The following MTHFD2L variants were observed in gnomAD, a reference collection of about 807,000 sequenced individuals.
MTHFD2L encodes bifunctional methylenetetrahydrofolate dehydrogenase/cyclohydrolase 2, mitochondrial.
A neutral mutation model predicts 34.9 loss-of-function variants in MTHFD2L; 29 were observed. That is an observed-to-expected ratio of 0.83 (90% CI 0.62 to 1.13). The LOEUF is 1.13. Ranked by LOEUF, MTHFD2L falls within the 50% of genes most tolerant of loss-of-function variation. The pLI is 0.00. For missense variants in MTHFD2L, 481 were observed against 446.5 expected (o/e 1.08, Z -0.70); for synonymous variants, 167 against 155.7 (o/e 1.07, Z -0.54).
intron 6 of MTHFD2L, among the ~76,000 whole-genome samples, chr4:74,240,695 A>G (rs1448294521): frequency 6.6e-6 from 1 of 152,192 alleles, no homozygotes; most frequent in Non-Finnish European, 1.5e-5. Context: ...CATTTTCTGA[A>G]TTCTCTAAAT....
intron 1 of MTHFD2L, among the ~76,000 whole-genome samples, chr4:74,138,897 T>C (rs1476445388): frequency 6.6e-6 from 1 of 152,208 alleles, no homozygotes; most frequent in Middle Eastern, 3.2e-3. Context: ...TAGATTTGAC[T>C]ATTTCTTTAC....
At chr4:74,245,073 TAGTCCCAGC>T (rs1742232228) in intron 6 of MTHFD2L, among the ~76,000 whole-genome samples, 1 of 151,562 alleles carries the variant, frequency 6.6e-6, no homozygotes, top group Admixed American at 6.6e-5. Flanking sequence ...CAGGCGCCTG[TAGTCCCAGC>T]TACTCTGGAG....
intron 7 of MTHFD2L, among the ~76,000 whole-genome samples, chr4:74,293,004 G>A (rs1749152751): frequency 6.6e-6 from 1 of 151,742 alleles, no homozygotes; most frequent in Non-Finnish European, 1.5e-5. Flanking sequence ...TTTTCTAAGT[G>A]GTATGAGTGG....
At chr4:74,240,999 G>A (rs1741619731) in intron 6 of MTHFD2L, among the ~76,000 whole-genome samples, 1 of 151,970 alleles carries the variant, frequency 6.6e-6, no homozygotes, top group Non-Finnish European at 1.5e-5. Context: ...AAAAAGACAG[G>A]GGAGACTGGA....
chr4:74,137,380 A>C (rs1723007540), intron 1 of MTHFD2L, among the ~76,000 whole-genome samples: 1 of 152,190 alleles, frequency 6.6e-6, no homozygotes, highest in African/African-American at 2.4e-5. Flanking sequence ...CAACAGTACT[A>C]TATATCAGAG....
chr4:74,157,039 T>C (rs1192058032), upstream of MTHFD2L: 1 of 152,260 alleles, frequency 6.6e-6, no homozygotes, highest in Non-Finnish European at 1.5e-5. Context: ...GGCAGAAGTT[T>C]AAATTGTTTT....
chr4:74,290,998 C>CTTTTTTTTTTTT (rs1560565979), intron 7 of MTHFD2L, among the ~76,000 whole-genome samples: 6 of 46,184 alleles, frequency 1.3e-4, no homozygotes, highest in African/African-American at 4.0e-4. Flanking sequence ...TTTATTTTTC[C>CTTTTTTTTTTTT]TTTTCTTTTT....
chr4:74,271,393 A>G (rs1035758730), intron 6 of MTHFD2L, among the ~76,000 whole-genome samples: 14 of 152,360 alleles, frequency 9.2e-5, no homozygotes, highest in Admixed American at 9.2e-4. Flanking sequence ...ACATATGGCT[A>G]GCCAGTTTTC....
intron 1 of MTHFD2L, among the ~76,000 whole-genome samples, chr4:74,167,335 G>A (rs1342980981): frequency 5.9e-5 from 9 of 152,224 alleles, no homozygotes; most frequent in Admixed American, 2.6e-4. Flanking sequence ...TGGAATAGGC[G>A]CCTACTTCTT....
At chr4:74,239,036 G>T (rs1741292263) in intron 6 of MTHFD2L, among the ~76,000 whole-genome samples, 1 of 152,166 alleles carries the variant, frequency 6.6e-6, no homozygotes. Context: ...ACATGCACAT[G>T]TATGTTCATT....
At chr4:74,221,690 A>G (rs80223673) in intron 5 of MTHFD2L, among the ~76,000 whole-genome samples, 12 of 152,054 alleles carry the variant, frequency 7.9e-5, no homozygotes, top group African/African-American at 2.4e-4. Context: ...TTGTAAGTCA[A>G]TTTGAAAATA....
At position 74,199,822 on chromosome 4, in the gene MTHFD2L, T is replaced by A. The variant is rs1425384476; in HGVS notation, c.480T>A (p.Asn160Lys). 1.9e-6 allele frequency: 3 copies of A among 1,613,108 alleles called. No individual in the cohort carries two copies. In the South Asian group the frequency reaches 3.3e-5, roughly 18 times the overall value. The change falls in exon 4 of 8, where the codon AAT becomes AAA. Residue 160 changes from asparagine to lysine, a missense_variant. By Grantham distance (94) the Asn-to-Lys change is moderately conservative. Transcript: ENST00000325278. ...PDHVDERTIC[N>K]GIAPEKDVDG... is the part of the protein sequence containing the mutation. ...ACGTTGATGAGCGAACAATATGCAA[T>A]GGAATTGCCCCAGAAAAAGATGTAG... is the stretch of plus-strand genomic sequence containing the variant.
At chr4:74,189,345 CT>C (rs1404285615) in intron 3 of MTHFD2L, among the ~76,000 whole-genome samples, 1 of 151,966 alleles carries the variant, frequency 6.6e-6, no homozygotes, top group African/African-American at 2.4e-5. Context: ...ATTTATCCAA[CT>C]TAAAAAGAAA....
At chr4:74,280,540 T>G (rs970490555) in intron 6 of MTHFD2L, 7 of 152,072 alleles carry the variant, frequency 4.6e-5, no homozygotes, top group Non-Finnish European at 8.8e-5. Flanking sequence ...GCCAGATGCA[T>G]CCAGATGAAC....
chr4:74,268,439 C>G (rs1409785009), intron 6 of MTHFD2L, among the ~76,000 whole-genome samples: 1 of 151,796 alleles, frequency 6.6e-6, no homozygotes, highest in African/African-American at 2.4e-5. Flanking sequence ...CCAGCCTTAC[C>G]TCTGACTCAT....
intron 3 of MTHFD2L, 150 bp from the exon 4 acceptor site, chr4:74,199,644 G>T: frequency 1.5e-6 from 1 of 661,432 alleles, no homozygotes; most frequent in Non-Finnish European, 2.4e-6. Flanking sequence ...CTATTTTGGT[G>T]GCAAATAATA....
At chr4:74,157,855 T>G, upstream of MTHFD2L, 1 of 614,872 alleles carries the variant, frequency 1.6e-6, no homozygotes, top group Non-Finnish European at 3.0e-6. Flanking sequence ...ATATGTTGGC[T>G]GGGTGCGGGG....
chr4:74,272,234 G>C (rs1318849373), intron 6 of MTHFD2L, among the ~76,000 whole-genome samples: 2 of 152,130 alleles, frequency 1.3e-5, no homozygotes, highest in Admixed American at 6.6e-5. Context: ...GTGGGATCAC[G>C]GAGGAGGAAA....
chr4:74,148,831 G>A (rs1004999603), intron 1 of MTHFD2L, among the ~76,000 whole-genome samples: 2 of 151,596 alleles, frequency 1.3e-5, no homozygotes, highest in Admixed American at 6.6e-5. Flanking sequence ...GAAATCACTG[G>A]GTCTGGCTTG....
Sources: allele counts gnomAD v4.1 joint callset (sites outside exome capture counted in the v4.1 genomes callset), GRCh38; gene constraint gnomAD v4.1.1; transcripts MANE v1.5; gene names NCBI Gene and HGNC (gene_info 2026-07-23, HGNC 2026-07-21).